Variants in IL1RAPL1 observed in about 807,000 individuals in gnomAD.
IL1RAPL1 encodes the protein interleukin-1 receptor accessory protein-like 1.
In IL1RAPL1, 3 loss-of-function variants were observed where a neutral mutation model predicts 48.4. That is an observed-to-expected ratio of 0.06 (90% CI 0.03 to 0.16). The LOEUF (loss-of-function observed/expected upper bound fraction) is 0.16. IL1RAPL1 is among the 10% of genes least tolerant of loss of function. The probability of loss-of-function intolerance (pLI) is 1.00; values close to 1 mark genes in which losing one functional copy is unlikely to be tolerated. For missense variants in IL1RAPL1, 349 were observed against 530.6 expected, an observed-to-expected ratio of 0.66 and a Z score of 3.36; for synonymous variants, 185 against 187.7, an observed-to-expected ratio of 0.99 and a Z score of 0.12.
intron 2 of IL1RAPL1, among the ~76,000 whole-genome samples, chrX:29,180,035 G>GA (rs5901915): frequency 0.47 from 50,430 of 106,938 alleles, 9,231 homozygotes; most frequent in Non-Finnish European, 0.55. Context: ...TGAAGGAAAT[G>GA]AAAAAAAAAT....
At chrX:28,612,980 A>T (rs1448357170) in intron 1 of IL1RAPL1, among the ~76,000 whole-genome samples, 1 of 111,726 alleles carries the variant, frequency 9.0e-6, no homozygotes, top group Non-Finnish European at 1.9e-5. Flanking sequence ...ATCTCGTAAC[A>T]TTTCTGCCTA....
chrX:29,168,091 G>T (rs1038505836), intron 2 of IL1RAPL1, among the ~76,000 whole-genome samples: 2 of 109,621 alleles, frequency 1.8e-5, no homozygotes, highest in African/African-American at 6.6e-5. Flanking sequence ...AAATATTGGG[G>T]TACAATATGA....
intron 3 of IL1RAPL1, among the ~76,000 whole-genome samples, chrX:29,367,868 C>A (rs1161941486): frequency 9.1e-6 from 1 of 109,894 alleles, no homozygotes; most frequent in Non-Finnish European, 1.9e-5. Flanking sequence ...CGTGAACCAC[C>A]ATGCCCAGCA....
intron 2 of IL1RAPL1, among the ~76,000 whole-genome samples, chrX:28,807,809 A>G (rs1304762044): frequency 9.0e-6 from 1 of 111,163 alleles, no homozygotes; most frequent in Non-Finnish European, 1.9e-5. Context: ...TTACATTGAC[A>G]CTTTTTGGAT....
chrX:29,252,746 T>C (rs1931687386), intron 2 of IL1RAPL1, among the ~76,000 whole-genome samples: 1 of 111,642 alleles, frequency 9.0e-6, no homozygotes, highest in Non-Finnish European at 1.9e-5. Flanking sequence ...TTTATTTCAA[T>C]CCCAAGATTC....
chrX:29,300,633 A>G (rs1032080398), intron 3 of IL1RAPL1, among the ~76,000 whole-genome samples: 8 of 112,245 alleles, frequency 7.1e-5, no homozygotes, highest in African/African-American at 1.9e-4. Flanking sequence ...AAGGAAACCA[A>G]TACTGTGCAG....
chrX:28,598,357 G>A (rs1933980338), intron 1 of IL1RAPL1, among the ~76,000 whole-genome samples: 1 of 111,797 alleles, frequency 8.9e-6, no homozygotes, highest in Non-Finnish European at 1.9e-5. Context: ...CTAATAAGTG[G>A]AAGAAAAGAA....
intron 2 of IL1RAPL1, among the ~76,000 whole-genome samples, chrX:29,223,603 G>A (rs1282163972): frequency 1.9e-5 from 2 of 106,189 alleles, no homozygotes; most frequent in African/African-American, 3.5e-5. Context: ...GGAGTGCAAT[G>A]GTGCGATCTC....
chrX:29,134,526 C>T (rs1929086227), intron 2 of IL1RAPL1, among the ~76,000 whole-genome samples: 1 of 111,805 alleles, frequency 8.9e-6, no homozygotes, highest in Admixed American at 9.5e-5. Context: ...TTTCCACCCA[C>T]CTTAGCTTCC....
intron 6 of IL1RAPL1, among the ~76,000 whole-genome samples, chrX:29,826,672 A>G (rs1245814157): frequency 8.9e-6 from 1 of 111,920 alleles, no homozygotes; most frequent in Non-Finnish European, 1.9e-5. Flanking sequence ...TTCACTTAGC[A>G]TAAGGTTTTC....
At chrX:29,847,410 A>G (rs1931272134) in intron 6 of IL1RAPL1, among the ~76,000 whole-genome samples, 1 of 112,062 alleles carries the variant, frequency 8.9e-6, no homozygotes, top group South Asian at 3.7e-4. Flanking sequence ...GATCTCATGC[A>G]GGTCATTTAA....
At chrX:28,653,110 A>C in intron 1 of IL1RAPL1, among the ~76,000 whole-genome samples, 1 of 111,858 alleles carries the variant, frequency 8.9e-6, no homozygotes, top group South Asian at 3.7e-4. Context: ...TGATCCAGAT[A>C]TTTTTTCAGT....
chrX:29,519,633 G>A (rs1233192213), intron 5 of IL1RAPL1, among the ~76,000 whole-genome samples: 1 of 111,887 alleles, frequency 8.9e-6, no homozygotes, highest in Non-Finnish European at 1.9e-5. Context: ...CTAGAGATGC[G>A]TGTTCATCTG....
At chrX:29,587,438 G>T (rs1366758469) in intron 5 of IL1RAPL1, among the ~76,000 whole-genome samples, 3 of 110,436 alleles carry the variant, frequency 2.7e-5, no homozygotes, top group African/African-American at 6.6e-5. Context: ...AATTAGATAG[G>T]AAGAGTAAGT....
chrX:29,383,118 T>G (rs2147675851), intron 3 of IL1RAPL1, among the ~76,000 whole-genome samples: 1 of 112,293 alleles, frequency 8.9e-6, no homozygotes, highest in South Asian at 3.7e-4. Flanking sequence ...TGTAGTGAAG[T>G]TGACCATAAT....
At chrX:29,908,422 A>G (rs950923010) in intron 6 of IL1RAPL1, among the ~76,000 whole-genome samples, 1 of 108,759 alleles carries the variant, frequency 9.2e-6, no homozygotes, top group Non-Finnish European at 1.9e-5. Context: ...TAATTTTAGA[A>G]TCTATGCTCT....
intron 1 of IL1RAPL1, among the ~76,000 whole-genome samples, chrX:28,758,326 G>C (rs1936127409): frequency 9.0e-6 from 1 of 111,652 alleles, no homozygotes; most frequent in African/African-American, 3.3e-5. Context: ...GCCATAGAGA[G>C]AAATGGAAAA....
At chrX:29,349,116 A>C (rs1388358298) in intron 3 of IL1RAPL1, among the ~76,000 whole-genome samples, 1 of 112,534 alleles carries the variant, frequency 8.9e-6, no homozygotes, top group East Asian at 2.8e-4. Context: ...GCTTAGATTC[A>C]ACAAAGTATA....
At chrX:29,405,383 T>TTTTTTTTG (rs1934047750) in intron 5 of IL1RAPL1, among the ~76,000 whole-genome samples, 1 of 100,743 alleles carries the variant, frequency 9.9e-6, no homozygotes, top group Admixed American at 1.0e-4. Flanking sequence ...TTTATTTTTT[T>TTTTTTTTG]TGAGACAGAG....
Sources: gnomAD v4.1 joint callset for allele counts (sites outside exome capture counted in the v4.1 genomes callset) on GRCh38, gnomAD v4.1.1 for gene constraint, MANE v1.5 for transcripts, NCBI Gene and HGNC (gene_info 2026-07-23, HGNC 2026-07-21) for gene names.